GLRX2: variants seen among roughly 807,000 people sequenced by gnomAD.
GLRX2 encodes glutaredoxin 2, also known as bA101E13.1 (GRX2 glutaredoxin (thioltransferase) 2).
GLRX2 carries 12 observed loss-of-function variants against 16.4 expected under a neutral mutation model. The ratio of observed to expected loss-of-function variants is 0.73; its 90% CI spans 0.47 to 1.19. The LOEUF (loss-of-function observed/expected upper bound fraction) is 1.19. Ranked by LOEUF, GLRX2 falls within the 50% of genes most tolerant of loss-of-function variation. The probability of loss-of-function intolerance (pLI) is 0.00; values close to 1 mark genes in which losing one functional copy is unlikely to be tolerated. For synonymous variants in GLRX2, 95 were observed against 76.2 expected (o/e 1.25, Z -1.28); for missense variants, 201 against 201.8 (o/e 1.00, Z 0.02).
Position 193,097,696 on chromosome 1 carries a change from G to A in GLRX2, c.248C>T (p.Ala83Val). The change falls in exon 3 of 4, where the codon GCA becomes GTA. Residue 83 changes from alanine (A) to valine (V), a missense_variant. Coordinates refer to ENST00000367439, the MANE Select transcript of GLRX2 (RefSeq NM_197962.3). ...SKTSCSYCTM[A>V]KKLFHDMNVN... ...ATTCATGTCATGGAAAAGCTTTTTT[G>A]CCATTGTACAGTAAGAACAGGATGT... The A allele has an allele frequency of 6.2e-7, 1 of 1,611,596 alleles. No homozygotes were observed. Among genetic ancestry groups the A allele is most frequent in the Non-Finnish European group, 8.5e-7 (1 of 1,178,400 alleles).
intron 1 of GLRX2, 78 bp downstream of exon 1, chr1:193,105,186 C>T: frequency 6.9e-7 from 1 of 1,453,778 alleles, no homozygotes; most frequent in Non-Finnish European, 9.0e-7. Flanking sequence ...CAAAGGGGCA[C>T]CTCCGCCCAC....
At position 193,101,159 on chromosome 1, in the gene GLRX2, C is replaced by T. The variant is rs762077841; in HGVS notation, c.165G>A (p.Ala55=). ...TSSSLENLAT[A]PVNQIQETIS... The stretch of plus-strand genomic sequence containing the variant: ...CACTCACTTGGATCTGGTTCACAGG[C>T]GCCGTCGCTAAATTCTCCAAAGATG... Residue 55 remains alanine (A), a synonymous_variant, in exon 2 of 4, where the codon GCG becomes GCA. Transcript: ENST00000367439. 1.2e-4 allele frequency: 190 copies of T among 1,611,186 alleles called. No homozygotes were observed. The highest frequency in any genetic ancestry group is 1.6e-4 in the East Asian group (7 of 44,858).
rs781425670 is a variant in GLRX2 at position 193,101,144 on chromosome 1, G to T, written c.180C>A (p.Ile60=). 2 of 1,604,904 alleles carry T rather than the reference G, an allele frequency of 1.2e-6. No homozygotes were observed. Among genetic ancestry groups the T allele is most frequent in the South Asian group, 2.2e-5 (2 of 90,900 alleles). ...ENLATAPVNQ[I]QETISDNCVV... ...AATCATCTCCCACATCACTCACTTG[G>T]ATCTGGTTCACAGGCGCCGTCGCTA... Residue 60 remains isoleucine (I), a synonymous_variant, in exon 2 of 4, where the codon ATC becomes ATA. Coordinates refer to ENST00000367439, the MANE Select transcript of GLRX2 (RefSeq NM_197962.3).
In GLRX2 at chr1:193,103,813, C is replaced by CA. The variant is rs372615581; in HGVS notation, c.119+1450dup. On this transcript the variant is annotated intron_variant, in intron 1 of 3. Transcript: ENST00000367439. ...AGTATTAGCAAGGAACACTTTAAAA[C>CA]AAAAAAAAAAGTCCTGTGCGCTTAA... is the stretch of plus-strand genomic sequence containing the variant. Among the ~76,000 whole-genome samples, 188 of 146,384 alleles carry CA rather than the reference C, an allele frequency of 1.3e-3. 1 individual carries two copies. Among genetic ancestry groups the CA allele is most frequent in the South Asian group, 8.8e-3 (41 of 4,634 alleles).
At chr1:193,105,875 C>A (rs1675190756), upstream of GLRX2, 2 of 1,178,514 alleles carry the variant, frequency 1.7e-6, no homozygotes, top group Non-Finnish European at 2.1e-6. Flanking sequence ...GGCAATTGGT[C>A]GAGACCCAAT....
At chr1:193,101,089 C>A in intron 2 of GLRX2, 52 bp downstream of exon 2, 1 of 1,080,502 alleles carries the variant, frequency 9.3e-7, no homozygotes, top group East Asian at 2.4e-5. Flanking sequence ...ATATAAGGGA[C>A]AATTCTTTTT....
At chr1:193,105,418 G>A (rs540100178), upstream of GLRX2, 8 of 1,483,248 alleles carry the variant, frequency 5.4e-6, no homozygotes, top group Admixed American at 7.0e-5. Context: ...CTCTACTGCC[G>A]GACACCGCGG....
At chr1:193,105,239 G>T (rs1416797427) in intron 1 of GLRX2, 25 bp downstream of exon 1, 1 of 1,531,808 alleles carries the variant, frequency 6.5e-7, no homozygotes, top group Non-Finnish European at 8.7e-7. Context: ...CCACGCCGCG[G>T]CACTCCTGCC....
At chr1:193,101,319 G>GA in intron 1 of GLRX2, 115 bp from the exon 2 acceptor site, 1 of 708,814 alleles carries the variant, frequency 1.4e-6, no homozygotes, top group South Asian at 1.7e-5. Context: ...TTACAAAATA[G>GA]AAAAAAATTT....
At chr1:193,105,092 C>G (rs1675159324) in intron 1 of GLRX2, 172 bp downstream of exon 1, 1 of 663,208 alleles carries the variant, frequency 1.5e-6, no homozygotes, top group Non-Finnish European at 1.9e-6. Context: ...GGAGGGCACC[C>G]TTCCCTGCCC....
upstream of GLRX2, chr1:193,105,600 A>G: frequency 1.9e-6 from 3 of 1,606,728 alleles, no homozygotes; most frequent in Non-Finnish European, 1.7e-6. Flanking sequence ...CATCCTTTAG[A>G]GGGGAGAAGC....
Position 193,105,350 on chromosome 1 carries a change from C to T in GLRX2, c.33G>A (p.Thr11=). The T allele has an allele frequency of 6.5e-7, 1 of 1,547,748 alleles. No individual in the cohort carries two copies. Among genetic ancestry groups the T allele is most frequent in the Non-Finnish European group, 8.6e-7 (1 of 1,156,910 alleles). The change falls in exon 1 of 4, where the codon ACG becomes ACA. Residue 11 remains threonine (T), a synonymous_variant. Coordinates refer to ENST00000367439, the MANE Select transcript of GLRX2 (RefSeq NM_197962.3). ...AGCCGCTCCTGCTCCAAACCAGCCG[C>T]GTCCCCGCCAGCGCCGCGCGGCGCC... MIWRRAALAG[T]RLVWSRSGSA...
upstream of GLRX2, chr1:193,105,691 C>T (rs1675187480): frequency 6.5e-7 from 1 of 1,547,116 alleles, no homozygotes; most frequent in Non-Finnish European, 8.7e-7. Context: ...TAAAGGCTCC[C>T]AGGCACTTGG....
chr1:193,101,741 G>A (rs1029540322), intron 1 of GLRX2, among the ~76,000 whole-genome samples: 1 of 152,142 alleles, frequency 6.6e-6, no homozygotes, highest in South Asian at 2.1e-4. Flanking sequence ...GAATTCATAC[G>A]CAGAAAGCAG....
chr1:193,102,072 T>C (rs1675088371), intron 1 of GLRX2, among the ~76,000 whole-genome samples: 1 of 152,140 alleles, frequency 6.6e-6, no homozygotes, highest in Non-Finnish European at 1.5e-5. Context: ...TTACAAATCT[T>C]ACAAGAGGAT....
At chr1:193,102,992 T>C (rs1001518021) in intron 1 of GLRX2, among the ~76,000 whole-genome samples, 2 of 152,146 alleles carry the variant, frequency 1.3e-5, no homozygotes, top group Admixed American at 1.3e-4. Context: ...TGGTGATGCT[T>C]GTGTTCAAGT....
intron 1 of GLRX2, among the ~76,000 whole-genome samples, chr1:193,103,594 T>C (rs1181696910): frequency 6.6e-6 from 1 of 152,066 alleles, no homozygotes; most frequent in Non-Finnish European, 1.5e-5. Context: ...GTTTTAGGCA[T>C]CCACCGAGGG....
At chr1:193,098,522 A>AAAAC (rs1031942986) in intron 2 of GLRX2, among the ~76,000 whole-genome samples, 9 of 152,062 alleles carry the variant, frequency 5.9e-5, no homozygotes, top group South Asian at 2.1e-4. Flanking sequence ...ACTCTGTCTC[A>AAAAC]AAACAAACAA....
In GLRX2 at chr1:193,101,186, T is replaced by C. The variant is rs1331517099; in HGVS notation, c.138A>G (p.Ser46=). The change falls in exon 2 of 4, where the codon TCA becomes TCG. Residue 46 remains serine, a synonymous_variant. Coordinates refer to ENST00000367439, the MANE Select transcript of GLRX2 (RefSeq NM_197962.3). ...AAASGMESNT[S]SSLENLATAP... is the part of the protein sequence containing the mutation. ...CCGTCGCTAAATTCTCCAAAGATGA[T>C]GATGTATTGCTCTCCATCCTAAAAG... The C allele has an allele frequency of 2.5e-6, 4 of 1,606,442 alleles. No individual in the cohort carries two copies. In the South Asian group the frequency reaches 4.4e-5, roughly 18 times the overall value.
Sources: gnomAD v4.1 joint callset for allele counts (sites outside exome capture counted in the v4.1 genomes callset) on GRCh38, gnomAD v4.1.1 for gene constraint, MANE v1.5 for transcripts, NCBI Gene and HGNC (gene_info 2026-07-23, HGNC 2026-07-21) for gene names.